The following KAZN variants were observed in gnomAD, a reference collection of about 807,000 sequenced individuals.
KAZN encodes kazrin, periplakin interacting protein, also known as kazrin.
In KAZN, 40 loss-of-function variants were observed where a neutral mutation model predicts 87.4. That is an observed-to-expected ratio of 0.46 (90% CI 0.36 to 0.60). The LOEUF is 0.60. KAZN is among the 20% of genes least tolerant of loss of function. The pLI is 0.00. For synonymous variants in KAZN, 466 were observed against 458.3 expected, an observed-to-expected ratio of 1.02 and a Z score of -0.22; for missense variants, 898 against 1,073.9, an observed-to-expected ratio of 0.84 and a Z score of 2.29.
intron 2 of KAZN, among the ~76,000 whole-genome samples, chr1:14,385,674 GAGAT>G (rs1379927581): frequency 6.6e-6 from 1 of 151,962 alleles, no homozygotes; most frequent in Non-Finnish European, 1.5e-5. Context: ...TGTGGTCTGA[GAGAT>G]AGTTTGTTAT....
chr1:14,976,844 G>A (rs553336552), intron 2 of KAZN, among the ~76,000 whole-genome samples: 23 of 152,304 alleles, frequency 1.5e-4, no homozygotes, highest in African/African-American at 5.3e-4. Flanking sequence ...ACAAGGTCAA[G>A]GAGTTCGAGA....
intron 1 of KAZN, among the ~76,000 whole-genome samples, chr1:14,174,600 G>T (rs926916348): frequency 2.0e-5 from 3 of 152,120 alleles, no homozygotes; most frequent in Admixed American, 2.0e-4. Context: ...GAGCTAGCAG[G>T]GCTGAGCCTG....
At chr1:14,295,790 A>G (rs1654067337) in intron 2 of KAZN, among the ~76,000 whole-genome samples, 1 of 152,166 alleles carries the variant, frequency 6.6e-6, no homozygotes, top group Admixed American at 6.5e-5. Flanking sequence ...TGGCTATGCA[A>G]TTGCAGAGAA....
chr1:14,037,502 G>A (rs1244745210), intron 1 of KAZN, among the ~76,000 whole-genome samples: 1 of 152,172 alleles, frequency 6.6e-6, no homozygotes, highest in Admixed American at 6.5e-5. Context: ...GTCAGTGGAG[G>A]AATAGGGACC....
intron 1 of KAZN, among the ~76,000 whole-genome samples, chr1:14,797,887 G>A (rs1401887565): frequency 1.3e-5 from 2 of 152,180 alleles, no homozygotes; most frequent in Non-Finnish European, 2.9e-5. Context: ...ACACTTAAAA[G>A]ATGCCAGCTC....
chr1:15,035,157 G>T (rs929206760), intron 3 of KAZN, among the ~76,000 whole-genome samples: 3 of 152,116 alleles, frequency 2.0e-5, no homozygotes, highest in South Asian at 4.2e-4. Flanking sequence ...CGCAGGTCTC[G>T]CTTGACCTCT....
chr1:14,540,625 G>GT (rs1672753392), intron 2 of KAZN, among the ~76,000 whole-genome samples: 2 of 152,142 alleles, frequency 1.3e-5, no homozygotes, highest in South Asian at 4.1e-4. Flanking sequence ...ATGACTCTTT[G>GT]TTCTGTTTTG....
At chr1:13,956,706 A>G (rs528107485) in intron 1 of KAZN, among the ~76,000 whole-genome samples, 1 of 152,184 alleles carries the variant, frequency 6.6e-6, no homozygotes, top group South Asian at 2.1e-4. Flanking sequence ...ATATGCACCC[A>G]CTATTTTGTT....
At chr1:14,157,930 A>C (rs185980747) in intron 1 of KAZN, among the ~76,000 whole-genome samples, 3 of 152,144 alleles carry the variant, frequency 2.0e-5, no homozygotes, top group African/African-American at 7.2e-5. Flanking sequence ...ATCAGATCTC[A>C]TGAGAACTCA....
chr1:14,796,606 A>G (rs1229201998), intron 1 of KAZN, among the ~76,000 whole-genome samples: 1 of 152,234 alleles, frequency 6.6e-6, no homozygotes, highest in African/African-American at 2.4e-5. Flanking sequence ...ATAGACGTGC[A>G]TGGTTCGGCT....
intron 2 of KAZN, among the ~76,000 whole-genome samples, chr1:14,297,108 C>A (rs1654183855): frequency 2.0e-5 from 3 of 151,990 alleles, no homozygotes; most frequent in African/African-American, 7.2e-5. Flanking sequence ...GAACAGAAAA[C>A]CTGGGCTTAC....
intron 2 of KAZN, among the ~76,000 whole-genome samples, chr1:14,392,363 G>C (rs906754958): frequency 6.6e-6 from 1 of 152,172 alleles, no homozygotes; most frequent in Non-Finnish European, 1.5e-5. Context: ...GGGAGCGACT[G>C]AGTGGTGCCT....
intron 1 of KAZN, among the ~76,000 whole-genome samples, chr1:14,723,592 G>A (rs1320271207): frequency 1.3e-5 from 2 of 152,206 alleles, no homozygotes; most frequent in Non-Finnish European, 2.9e-5. Flanking sequence ...GGGACAAAAG[G>A]CCCTTCACAG....
In KAZN at chr1:15,081,568, G is replaced by A. The variant is rs201085267; in HGVS notation, c.1223-12612G>A. Among the ~76,000 whole-genome samples, 357 of 152,090 alleles carry A rather than the reference G, an allele frequency of 2.3e-3. 1 individual carries two copies. The highest frequency in any genetic ancestry group is 7.8e-3 in the African/African-American group (323 of 41,502). On this transcript the variant is annotated intron_variant, in intron 8 of 14. Transcript: ENST00000376030. The surrounding 1 kb of genome is among the most constrained non-coding windows in gnomAD (Gnocchi z 4.1). The stretch of plus-strand genomic sequence containing the variant: ...TCCAGGAATTAATGACAGCGTGTGT[G>A]TGTGTGTGTGTGAGTGTGTGTGTTG...
rs1381994400 is a variant in KAZN at position 14,168,921 on chromosome 1, A to G, written c.92-11514A>G. Among the ~76,000 whole-genome samples, 3 of 152,360 alleles carry G rather than the reference A, an allele frequency of 2.0e-5. No individual in the cohort carries two copies. The South Asian group carries it at 6.2e-4, about 32-fold the overall frequency. ...ATTCAGTAAGTGCTTAATAAATAGC[A>G]GCTGCTGTTAGTAGTGGGGGTGTTG... is the stretch of plus-strand genomic sequence containing the variant. On this transcript the variant is annotated intron_variant, in intron 1 of 16. Coordinates refer to the KAZN transcript ENST00000636203.
At chr1:14,466,348 C>T (rs1224355909) in intron 2 of KAZN, among the ~76,000 whole-genome samples, 5 of 150,330 alleles carry the variant, frequency 3.3e-5, no homozygotes, top group South Asian at 2.1e-4. Context: ...AAAAAGGAGA[C>T]GTGGATGGAG....
chr1:14,443,299 G>T (rs945243804), intron 2 of KAZN, among the ~76,000 whole-genome samples: 10 of 152,246 alleles, frequency 6.6e-5, no homozygotes, highest in Non-Finnish European at 1.3e-4. Context: ...AGATAAGGTG[G>T]CTGGCTGCCA....
intron 1 of KAZN, among the ~76,000 whole-genome samples, chr1:14,848,723 C>A (rs115950946): frequency 2.0e-5 from 3 of 152,188 alleles, no homozygotes; most frequent in Non-Finnish European, 4.4e-5. Flanking sequence ...GTGATTAAAA[C>A]GTCGCCATCC....
At chr1:14,279,907 C>A (rs1169251159) in intron 2 of KAZN, among the ~76,000 whole-genome samples, 1 of 152,124 alleles carries the variant, frequency 6.6e-6, no homozygotes, top group Non-Finnish European at 1.5e-5. Flanking sequence ...TCCCTACATC[C>A]CCTCGCTGCA....
Sources: gnomAD v4.1 joint callset for allele counts (sites outside exome capture counted in the v4.1 genomes callset) on GRCh38, gnomAD v4.1.1 for gene constraint, Gnocchi (gnomAD v3.1) non-coding constraint, MANE v1.5 for transcripts, NCBI Gene and HGNC (gene_info 2026-07-23, HGNC 2026-07-21) for gene names.